The following DIP2C variants were observed in gnomAD, a reference collection of about 807,000 sequenced individuals.
DIP2C encodes the protein disco-interacting protein 2 homolog C.
In DIP2C, 33 loss-of-function variants were observed where a neutral mutation model predicts 192.4. The observed-to-expected ratio is 0.17, with a 90% confidence interval of 0.13 to 0.23. DIP2C has a LOEUF of 0.23. Among genes scored for constraint, DIP2C ranks in the 10% least tolerant of loss-of-function variants. The pLI, the probability that DIP2C is intolerant of heterozygous loss-of-function variation, is 1.00. For synonymous variants in DIP2C, 979 were observed against 864.1 expected (o/e 1.13, Z -2.33); for missense variants, 1,537 against 2,110.1 (o/e 0.73, Z 5.32).
chr10:659,344 C>T (rs990903917), intron 1 of DIP2C, among the ~76,000 whole-genome samples: 1 of 152,200 alleles, frequency 6.6e-6, no homozygotes, highest in African/African-American at 2.4e-5. Context: ...ATGCACAACA[C>T]ATATACATGC....
chr10:641,288 G>A (rs1043268986), intron 1 of DIP2C, among the ~76,000 whole-genome samples: 8 of 152,150 alleles, frequency 5.3e-5, no homozygotes, highest in African/African-American at 1.9e-4. Context: ...CAGCACGGAC[G>A]CCAGCCATGC....
intron 1 of DIP2C, among the ~76,000 whole-genome samples, chr10:491,535 C>A (rs1176370062): frequency 6.6e-6 from 1 of 152,226 alleles, no homozygotes. Context: ...CCCTCGCCTG[C>A]ACTGGGGACA....
In DIP2C at chr10:342,128, T is replaced by C. The variant is rs549283384; in HGVS notation, c.3454-799A>G. 2.6e-5 allele frequency among the ~76,000 whole-genome samples: 4 copies of C among 152,142 alleles called. No individual in the cohort carries two copies. In the South Asian group the frequency reaches 8.3e-4, roughly 32 times the overall value. ...AATAGTGCGTTTGAACAGCAAGTCA[T>C]GGAGGAAGGGGTTCTCGTGTAACCC... On this transcript the variant is annotated intron_variant, in intron 28 of 36. Coordinates refer to ENST00000280886, the MANE Select transcript of DIP2C (RefSeq NM_014974.3).
Position 567,193 on chromosome 10 carries a change from GTT to G in DIP2C, c.86-80665_86-80664del, listed in dbSNP as rs541661191. Among the ~76,000 whole-genome samples the G allele has an allele frequency of 6.7e-3, 874 of 130,044 alleles. 10 individuals carry two copies. Among genetic ancestry groups the G allele is most frequent in the African/African-American group, 0.036 (830 of 23,016 alleles). The allele number at this position is 130,044 out of a possible 152,430, so 85.3% of individuals were successfully genotyped here. ...CCGGTTTTGGGGGGTTTTTTGTTTT[GTT>G]TTGTTTTTTTTAAGACACAATATCA... On this transcript the variant is annotated intron_variant, in intron 1 of 36. Transcript: ENST00000280886.
At position 500,481 on chromosome 10, in the gene DIP2C, C is replaced by T. The variant is rs189224686; in HGVS notation, c.86-13951G>A. 5.3e-5 allele frequency among the ~76,000 whole-genome samples: 8 copies of T among 152,336 alleles called. No individual in the cohort carries two copies. The South Asian group carries it at 8.3e-4, about 16-fold the overall frequency. On this transcript the variant is annotated intron_variant, in intron 1 of 36. Coordinates refer to ENST00000280886, the MANE Select transcript of DIP2C (RefSeq NM_014974.3). ...ACACTGTACGTGCCTAGGTTTTACA[C>T]GAGAATTTCCAAATGCCATAGAAAT...
intron 17 of DIP2C, among the ~76,000 whole-genome samples, chr10:381,733 T>C (rs1179744136): frequency 6.6e-6 from 1 of 152,218 alleles, no homozygotes; most frequent in Non-Finnish European, 1.5e-5. Context: ...CACACTGCTC[T>C]GGGAAGCCTG....
chr10:531,849 G>A (rs960674550), intron 1 of DIP2C, among the ~76,000 whole-genome samples: 2 of 152,206 alleles, frequency 1.3e-5, no homozygotes, highest in Non-Finnish European at 2.9e-5. Context: ...TGCAGGCAAC[G>A]CTTGCAACTC....
intron 3 of DIP2C, among the ~76,000 whole-genome samples, chr10:454,437 CAGAG>C (rs1482890733): frequency 2.6e-5 from 4 of 152,134 alleles, no homozygotes; most frequent in African/African-American, 9.7e-5. Flanking sequence ...TCAAACCCCT[CAGAG>C]AAAGAGGTAG....
intron 1 of DIP2C, among the ~76,000 whole-genome samples, chr10:623,892 G>A (rs1424087985): frequency 6.6e-6 from 1 of 152,326 alleles, no homozygotes; most frequent in South Asian, 2.1e-4. Context: ...GTGGATGAAA[G>A]AGGCGGACAG....
At chr10:490,747 T>G (rs1046761196) in intron 1 of DIP2C, among the ~76,000 whole-genome samples, 1 of 152,212 alleles carries the variant, frequency 6.6e-6, no homozygotes, top group Non-Finnish European at 1.5e-5. Flanking sequence ...TAGAAACATT[T>G]TCTACTTCAT....
At chr10:459,215 C>G (rs1438336150) in intron 3 of DIP2C, among the ~76,000 whole-genome samples, 1 of 151,592 alleles carries the variant, frequency 6.6e-6, no homozygotes, top group Non-Finnish European at 1.5e-5. Context: ...CCCAAACAGA[C>G]AGCCAGCCTT....
intron 17 of DIP2C, among the ~76,000 whole-genome samples, chr10:373,497 C>T (rs147807413): frequency 6.6e-6 from 1 of 152,118 alleles, no homozygotes; most frequent in African/African-American, 2.4e-5. Flanking sequence ...GGAGAAGCTG[C>T]GGCAGGGCTT....
chr10:338,308 A>G (rs544993964), intron 29 of DIP2C, among the ~76,000 whole-genome samples: 78 of 152,350 alleles, frequency 5.1e-4, no homozygotes, highest in African/African-American at 1.8e-3. Flanking sequence ...AGAGGCCACA[A>G]TAGTGTGCAG....
rs541275416 is a variant in DIP2C, at chr10:527,238, C to G, written c.86-40708G>C. Reference sequence around the variant, plus strand: ...TGTTTATCATCTCTGCATCTAGCTCCTCTCCCTCACAAAACAGCACCTCTG... The same window carrying G: ...TGTTTATCATCTCTGCATCTAGCTCGTCTCCCTCACAAAACAGCACCTCTG... On this transcript the variant is annotated intron_variant, in intron 1 of 36. Coordinates refer to ENST00000280886, the MANE Select transcript of DIP2C (RefSeq NM_014974.3). 5.9e-5 allele frequency among the ~76,000 whole-genome samples: 9 copies of G among 152,298 alleles called. No homozygotes were observed. In the East Asian group the frequency reaches 1.7e-3, roughly 29 times the overall value.
intron 1 of DIP2C, among the ~76,000 whole-genome samples, chr10:490,829 A>T (rs2133583287): frequency 6.6e-6 from 1 of 152,348 alleles, no homozygotes; most frequent in Non-Finnish European, 1.5e-5. Context: ...AGAAATTAAA[A>T]TCACAAAGAG....
At chr10:311,627 A>G (rs965315036) in intron 31 of DIP2C, 2 of 1,193,508 alleles carry the variant, frequency 1.7e-6, no homozygotes, top group Non-Finnish European at 2.1e-6. Context: ...ACAGAAACCA[A>G]CACACACAAC....
At position 384,535 on chromosome 10, in the gene DIP2C, G is replaced by A. The variant is rs1962701109; in HGVS notation, c.1756+11C>T. The A allele has an allele frequency of 1.8e-5, 29 of 1,613,284 alleles. No individual in the cohort carries two copies. The highest frequency in any genetic ancestry group is 1.6e-4 in the Middle Eastern group (1 of 6,062). On this transcript the variant is annotated intron_variant, in intron 15 of 36. Transcript: ENST00000280886. ...TTACAGGTGTGAGCCACTGCGCCCG[G>A]CGAGACCCACCTTTGTACTGGCAGA...
chr10:545,143 A>AT (rs1167736966), intron 1 of DIP2C, among the ~76,000 whole-genome samples: 1 of 138,668 alleles, frequency 7.2e-6, no homozygotes, highest in African/African-American at 2.8e-5. Flanking sequence ...GTAGGCCCTG[A>AT]TCCAACATGA....
intron 1 of DIP2C, among the ~76,000 whole-genome samples, chr10:633,568 C>T (rs1032015150): frequency 3.3e-5 from 5 of 152,338 alleles, no homozygotes; most frequent in Non-Finnish European, 5.9e-5. Context: ...AGCCAGGGGG[C>T]CCTCGCGTCA....
Sources: allele counts gnomAD v4.1 joint callset (sites outside exome capture counted in the v4.1 genomes callset), GRCh38; gene constraint gnomAD v4.1.1; transcripts MANE v1.5; gene names NCBI Gene and HGNC (gene_info 2026-07-23, HGNC 2026-07-21).